Variants in MCUB observed in about 807,000 individuals in gnomAD.
MCUB encodes calcium uniporter regulatory subunit MCUb, mitochondrial.
In MCUB, 46 loss-of-function variants were observed where a neutral mutation model predicts 41.4. That is an observed-to-expected ratio of 1.11 (90% CI 0.88 to 1.42). The LOEUF is 1.42. MCUB is among the 40% of genes most tolerant of loss of function. The probability of loss-of-function intolerance (pLI) is 0.00; values close to 1 mark genes in which losing one functional copy is unlikely to be tolerated. For missense variants in MCUB, 403 were observed against 404.9 expected, an observed-to-expected ratio of 1.00 and a Z score of 0.04; for synonymous variants, 148 against 148.2, an observed-to-expected ratio of 1.00 and a Z score of 0.01.
chr4:109,684,207 C>T (rs1006757523), intron 5 of MCUB, among the ~76,000 whole-genome samples: 1 of 151,864 alleles, frequency 6.6e-6, no homozygotes, highest in Non-Finnish European at 1.5e-5. Flanking sequence ...GGACTACAGG[C>T]GCCTGCCACC....
Position 109,577,846 on chromosome 4 carries a change from G to A in MCUB, c.99+17410G>A, listed in dbSNP as rs1219123196. 2.4e-4 allele frequency among the ~76,000 whole-genome samples: 7 copies of A among 29,402 alleles called. 2 individuals are homozygous for A. Among genetic ancestry groups the A allele is most frequent in the African/African-American group, 6.4e-4 (6 of 9,366 alleles). The allele number at this position is 29,402 out of a possible 152,430, so 19.3% of individuals were successfully genotyped here. ...AGGATGGTCTCGATCTCCTGACCTCGTGATCCGCCCGCCTCGGCCTCCCAA... is the reference window on the plus strand; with the variant it reads ...AGGATGGTCTCGATCTCCTGACCTCATGATCCGCCCGCCTCGGCCTCCCAA... On this transcript the variant is annotated intron_variant, in intron 1 of 7. Transcript: ENST00000394650.
In MCUB at chr4:109,678,292, G is replaced by A. The variant is rs185618038; in HGVS notation, c.452-4290G>A. On this transcript the variant is annotated intron_variant, in intron 4 of 7. Transcript: ENST00000394650. ...TCCCCCTTTTCTATTCGACAAAACC[G>A]CCATCATCATCATGGCCTGTTCTCG... Among the ~76,000 whole-genome samples the A allele has an allele frequency of 7.9e-5, 12 of 152,068 alleles. No individual in the cohort carries two copies. The East Asian group carries it at 1.6e-3, about 20-fold the overall frequency.
chr4:109,638,092 A>G (rs1328086794), intron 1 of MCUB, among the ~76,000 whole-genome samples: 1 of 152,220 alleles, frequency 6.6e-6, no homozygotes, highest in Non-Finnish European at 1.5e-5. Context: ...CTGGTGGCTC[A>G]TGCCTGTAAT....
intron 1 of MCUB, among the ~76,000 whole-genome samples, chr4:109,625,097 A>G (rs1163736165): frequency 1.3e-5 from 2 of 152,148 alleles, no homozygotes; most frequent in African/African-American, 4.8e-5. Flanking sequence ...CTGAGATCGC[A>G]CCACTGCACT....
At chr4:109,580,469 T>C (rs1227821671) in intron 1 of MCUB, among the ~76,000 whole-genome samples, 4 of 152,228 alleles carry the variant, frequency 2.6e-5, no homozygotes, top group Admixed American at 6.5e-5. Context: ...TCTTCCACAA[T>C]GGTTGAACTA....
intron 3 of MCUB, among the ~76,000 whole-genome samples, chr4:109,663,609 T>C (rs1454116573): frequency 2.6e-5 from 4 of 152,150 alleles, no homozygotes; most frequent in Non-Finnish European, 4.4e-5. Flanking sequence ...GATGAGCCCA[T>C]GTGGTGATAG....
In MCUB at chr4:109,658,402, A is replaced by AT. The variant is rs566322089; in HGVS notation, c.100-607dup. 1.2e-3 allele frequency among the ~76,000 whole-genome samples: 176 copies of AT among 151,854 alleles called. 1 individual carries two copies. The highest frequency in any genetic ancestry group is 4.1e-3 in the African/African-American group (168 of 41,372). On this transcript the variant is annotated intron_variant, in intron 1 of 7. Transcript: ENST00000394650. ...AAACTCCACCTCCCGGGTTCAAGTG[A>AT]TTCTCCTGCCTCAGCCTCGCGAGTA...
chr4:109,597,697 C>G (rs1399317146), intron 1 of MCUB, among the ~76,000 whole-genome samples: 1 of 147,546 alleles, frequency 6.8e-6, no homozygotes, highest in Non-Finnish European at 1.5e-5. Context: ...GACCCCCCAC[C>G]TCCCTCCTGG....
intron 1 of MCUB, among the ~76,000 whole-genome samples, chr4:109,649,165 T>TAA (rs1387561815): frequency 1.3e-5 from 2 of 152,180 alleles, no homozygotes; most frequent in African/African-American, 4.8e-5. Context: ...TCCTTTTAAC[T>TAA]GTTGAGTTTA....
Position 109,584,988 on chromosome 4 carries a change from T to G in MCUB, c.99+24552T>G, listed in dbSNP as rs145921914. Among the ~76,000 whole-genome samples the G allele has an allele frequency of 4.5e-3, 687 of 152,274 alleles. 6 individuals carry two copies. Among genetic ancestry groups the G allele is most frequent in the African/African-American group, 0.016 (647 of 41,552 alleles). ...AGGTCTGCTTGGTCCAGAGCTGAGTTTAAGTCCTGGATATCCTTGTTAATA... is the reference window on the plus strand; with the variant it reads ...AGGTCTGCTTGGTCCAGAGCTGAGTGTAAGTCCTGGATATCCTTGTTAATA... On this transcript the variant is annotated intron_variant, in intron 1 of 7. Coordinates refer to ENST00000394650, the MANE Select transcript of MCUB (RefSeq NM_017918.5).
At chr4:109,675,726 G>A (rs1182204303) in intron 4 of MCUB, among the ~76,000 whole-genome samples, 1 of 152,202 alleles carries the variant, frequency 6.6e-6, no homozygotes, top group East Asian at 1.9e-4. Context: ...CTGCCCTAAT[G>A]AATAGATGAA....
chr4:109,671,232 T>C (rs1209576274), intron 4 of MCUB, among the ~76,000 whole-genome samples: 2 of 152,194 alleles, frequency 1.3e-5, no homozygotes, highest in African/African-American at 2.4e-5. Flanking sequence ...AGAGAGCTTT[T>C]TTCATCTCAA....
Position 109,682,635 on chromosome 4 carries a change from C to A in MCUB, c.505C>A (p.His169Asn). 1 of 1,613,072 alleles carries A rather than the reference C, an allele frequency of 6.2e-7. No individual in the cohort carries two copies. Among genetic ancestry groups the A allele is most frequent in the South Asian group, 1.1e-5 (1 of 91,014 alleles). The stretch of plus-strand genomic sequence containing the variant: ...GATGGAACACATGAAATCTTTGGTT[C>A]ACAGACTATTTACAATCTTGCATTT... ...AEMEHMKSLV[H>N]RLFTILHLEE... is the part of the protein sequence containing the mutation. The change falls in exon 5 of 8, where the codon CAC becomes AAC. Residue 169 changes from histidine (H) to asparagine (N), a missense_variant. Coordinates refer to ENST00000394650, the MANE Select transcript of MCUB (RefSeq NM_017918.5).
chr4:109,566,895 A>G (rs10021722), intron 1 of MCUB, among the ~76,000 whole-genome samples: 14,651 of 152,180 alleles, frequency 0.096, 759 homozygotes, highest in Middle Eastern at 0.18. Context: ...TGTTAGTTAG[A>G]TTAATCAATA....
intron 3 of MCUB, among the ~76,000 whole-genome samples, 195 bp from the exon 4 acceptor site, chr4:109,664,094 AG>A (rs1214281351): frequency 6.6e-6 from 1 of 152,234 alleles, no homozygotes; most frequent in African/African-American, 2.4e-5. Flanking sequence ...ATTTCGTCCA[AG>A]GAAATGGGAG....
At chr4:109,580,488 T>G (rs1442339233) in intron 1 of MCUB, among the ~76,000 whole-genome samples, 1 of 152,218 alleles carries the variant, frequency 6.6e-6, no homozygotes, top group Non-Finnish European at 1.5e-5. Context: ...TAGTTTACAC[T>G]CCCAACAACA....
At chr4:109,660,443 C>A in intron 3 of MCUB, 78 bp downstream of exon 3, 1 of 707,416 alleles carries the variant, frequency 1.4e-6, no homozygotes, top group Non-Finnish European at 2.3e-6. Flanking sequence ...CTTTACTTTT[C>A]TAGAAGTACA....
intron 1 of MCUB, among the ~76,000 whole-genome samples, chr4:109,573,218 C>T (rs1414214770): frequency 1.3e-5 from 2 of 151,918 alleles, no homozygotes; most frequent in Admixed American, 6.6e-5. Flanking sequence ...TTTGGGAGGC[C>T]GAGGTGGGCA....
chr4:109,605,552 C>T (rs1448422816), intron 1 of MCUB, among the ~76,000 whole-genome samples: 1 of 152,140 alleles, frequency 6.6e-6, no homozygotes, highest in Non-Finnish European at 1.5e-5. Flanking sequence ...CCATTTGGTC[C>T]ATAGTGCAGA....
Sources: allele counts gnomAD v4.1 joint callset (sites outside exome capture counted in the v4.1 genomes callset), GRCh38; gene constraint gnomAD v4.1.1; transcripts MANE v1.5; gene names NCBI Gene and HGNC (gene_info 2026-07-23, HGNC 2026-07-21).